LATS1: variants seen among roughly 807,000 people sequenced by gnomAD.
The protein encoded by LATS1 is large tumor suppressor kinase 1.
LATS1 carries 25 observed loss-of-function variants against 106.6 expected under a neutral mutation model. That is an observed-to-expected ratio of 0.23 (90% confidence interval 0.17 to 0.33). The LOEUF is 0.33. Ranked by LOEUF, LATS1 falls within the 10% of genes least tolerant of loss-of-function variation. The pLI is 1.00. For synonymous variants in LATS1, 465 were observed against 455.6 expected, an observed-to-expected ratio of 1.02 and a Z score of -0.26; for missense variants, 1,040 against 1,382.6, an observed-to-expected ratio of 0.75 and a Z score of 3.93.
chr6:149,696,280 T>C (rs901907958), intron 2 of LATS1, among the ~76,000 whole-genome samples: 64 of 148,282 alleles, frequency 4.3e-4, no homozygotes, highest in African/African-American at 1.5e-3. Context: ...CAGAAACAAC[T>C]CTTTTGGGCT....
rs188625862 is a variant in LATS1, at chr6:149,698,301, T to C, written c.349-3080A>G. On this transcript the variant is annotated intron_variant, in intron 2 of 7. Transcript: ENST00000543571. ...CTCTGTTGCCCAGGCTGGAGTGCAG[T>C]GGTGCAACCACAACTCATTGCGACC... Among the ~76,000 whole-genome samples the C allele has an allele frequency of 7.7e-4, 117 of 151,186 alleles. 1 individual carries two copies. The highest frequency in any genetic ancestry group is 2.7e-3 in the African/African-American group (111 of 41,190).
At chr6:149,717,232 G>A (rs1784450127) in intron 1 of LATS1, among the ~76,000 whole-genome samples, 1 of 152,178 alleles carries the variant, frequency 6.6e-6, no homozygotes, top group African/African-American at 2.4e-5. Context: ...AGTCATCTGA[G>A]GCATTCATTG....
At chr6:149,675,864 C>A (rs1781689256) in intron 7 of LATS1, 1 of 164,876 alleles carries the variant, frequency 6.1e-6, no homozygotes. Context: ...GCCTAAAGAC[C>A]TTTTTGAGAA....
rs1780891385 is a variant in LATS1 at position 149,661,681 on chromosome 6, C to T, written c.*48G>A. 1.3e-6 allele frequency: 2 copies of T among 1,485,754 alleles called. No individual in the cohort carries two copies. The highest frequency in any genetic ancestry group is 4.6e-5 in the East Asian group (2 of 43,932). 92.0% of individuals were successfully genotyped at this position (1,485,754 alleles called of 1,614,324 possible). On this transcript the variant is annotated 3_prime_UTR_variant, in exon 8 of 8. Coordinates refer to ENST00000543571, the MANE Select transcript of LATS1 (RefSeq NM_004690.4). ...ACTCTCAGAACCTCAAAACACCTCG[C>T]ATTTCAGGCCCTTTTACAAATCCTC...
intron 3 of LATS1, among the ~76,000 whole-genome samples, chr6:149,685,818 A>G (rs1292222415): frequency 6.6e-6 from 1 of 152,180 alleles, no homozygotes; most frequent in Non-Finnish European, 1.5e-5. Context: ...AAAAAAATAC[A>G]ATACCAAAAA....
chr6:149,671,115 G>C (rs534816860), intron 7 of LATS1, among the ~76,000 whole-genome samples: 26 of 130,194 alleles, frequency 2.0e-4, no homozygotes, highest in Middle Eastern at 3.8e-3. Flanking sequence ...TTGAGGTTCA[G>C]TTGTTTTTTT....
At chr6:149,703,386 C>G (rs553777183) in intron 1 of LATS1, among the ~76,000 whole-genome samples, 1 of 152,308 alleles carries the variant, frequency 6.6e-6, no homozygotes, top group East Asian at 1.9e-4. Flanking sequence ...TGGTTTGGAT[C>G]TGTGTCCCCA....
At position 149,680,259 on chromosome 6, in the gene LATS1, G is replaced by C; in HGVS notation, c.2209C>G (p.Arg737Gly). 1 of 1,613,918 alleles carries C rather than the reference G, an allele frequency of 6.2e-7. No individual in the cohort carries two copies. Among genetic ancestry groups the C allele is most frequent in the Non-Finnish European group, 8.5e-7 (1 of 1,179,990 alleles). ...TKALYATKTL[R>G]KKDVLLRNQV... ...TTTCGAAGAAGAACATCTTTCTTTC[G>C]AAGAGTTTTTGTTGCATACAAAGCC... is the stretch of plus-strand genomic sequence containing the variant. The change falls in exon 5 of 8, where the codon CGA (arginine) becomes GGA (glycine). Residue 737 changes from arginine to glycine, a missense_variant. This residue lies in a region of LATS1 where 167 missense variants were observed against 332.1 expected (regional missense o/e 0.50). Transcript: ENST00000543571.
In LATS1 at chr6:149,660,958, T is replaced by A. The variant is rs1325218359; in HGVS notation, c.*771A>T. ...AGCTTTTAGTATTGAACATTTCGAT[T>A]TATGGCAGCTTTGTTCCCTTTTAAA... On this transcript the variant is annotated 3_prime_UTR_variant, in exon 8 of 8. Coordinates refer to ENST00000543571, the MANE Select transcript of LATS1 (RefSeq NM_004690.4). The A allele has an allele frequency of 4.7e-6, 1 of 213,300 alleles. No individual in the cohort carries two copies. Among genetic ancestry groups the A allele is most frequent in the East Asian group, 7.0e-5 (1 of 14,236 alleles). The allele number at this position is 213,300 out of a possible 1,614,324, so 13.2% of individuals were successfully genotyped here.
intron 7 of LATS1, chr6:149,675,934 T>C (rs767917827): frequency 1.3e-4 from 33 of 260,564 alleles, no homozygotes; most frequent in Admixed American, 3.5e-4. Flanking sequence ...TATGGGGATA[T>C]GGCATCATGG....
At chr6:149,665,629 C>G (rs1031092294) in intron 7 of LATS1, among the ~76,000 whole-genome samples, 2 of 152,038 alleles carry the variant, frequency 1.3e-5, no homozygotes, top group Non-Finnish European at 2.9e-5. Flanking sequence ...GCTGGGCTCC[C>G]CCTCCAAACT....
rs1361997067 is a variant in LATS1 at position 149,661,710 on chromosome 6, ACATTT to A, written c.*14_*18del. ...TCAGGCCCTTTTACAAATCCTCATT[ACATTT>A]ATTTACTAGTGTGTTAAACATATAC... On this transcript the variant is annotated 3_prime_UTR_variant, in exon 8 of 8. Coordinates refer to ENST00000543571, the MANE Select transcript of LATS1 (RefSeq NM_004690.4). The A allele has an allele frequency of 3.3e-6, 5 of 1,521,320 alleles. No individual in the cohort carries two copies. In the African/African-American group the frequency reaches 4.2e-5, roughly 13 times the overall value. The allele number at this position is 1,521,320 out of a possible 1,614,324, so 94.2% of individuals were successfully genotyped here.
intron 7 of LATS1, among the ~76,000 whole-genome samples, chr6:149,674,788 C>T (rs1308886571): frequency 6.6e-6 from 1 of 151,966 alleles, no homozygotes; most frequent in Admixed American, 6.5e-5. Context: ...AATGCACCTG[C>T]GGTCCCATCT....
chr6:149,700,132 T>C (rs1449757522), intron 2 of LATS1, among the ~76,000 whole-genome samples: 2 of 152,190 alleles, frequency 1.3e-5, no homozygotes, highest in African/African-American at 2.4e-5. Context: ...GTAAAAATGA[T>C]AGAAAATAAT....
chr6:149,680,365 G>A lies in LATS1; in HGVS notation c.2103C>T (p.Asp701=). The change falls in exon 5 of 8, where the codon GAC becomes GAT. Residue 701 remains aspartate (D), a synonymous_variant. Transcript: ENST00000543571. ...TCTTTATCTTCACAAACATAGACTT[G>A]TCCATTTTAGCCCTTTTAAGACGGA... is the stretch of plus-strand genomic sequence containing the variant. ...NYIRLKRAKM[D]KSMFVKIKTL... 2 of 1,613,856 alleles carry A rather than the reference G, an allele frequency of 1.2e-6. No individual in the cohort carries two copies. The highest frequency in any genetic ancestry group is 8.5e-7 in the Non-Finnish European group (1 of 1,179,886).
At chr6:149,682,110 CAAA>C (rs371480554) in intron 4 of LATS1, among the ~76,000 whole-genome samples, 3 of 121,036 alleles carry the variant, frequency 2.5e-5, no homozygotes, top group Non-Finnish European at 1.8e-5. Flanking sequence ...GATGTCGTCT[CAAA>C]AAAAAAAAAA....
intron 3 of LATS1, among the ~76,000 whole-genome samples, chr6:149,689,242 G>A (rs1782582208): frequency 6.6e-6 from 1 of 151,996 alleles, no homozygotes; most frequent in South Asian, 2.1e-4. Context: ...AACCCAGTAC[G>A]GCTGTAGAAC....
In LATS1 at chr6:149,679,538, C is replaced by T. The variant is rs961707272; in HGVS notation, c.2593+337G>A. Among the ~76,000 whole-genome samples the T allele has an allele frequency of 3.3e-4, 45 of 136,114 alleles. 1 individual carries two copies. The allele number at this position is 136,114 out of a possible 152,430, so 89.3% of individuals were successfully genotyped here. A position where few individuals can be genotyped will look rare whatever the true frequency, so the allele number is the denominator to read the frequency against. On this transcript the variant is annotated intron_variant, in intron 5 of 7. Transcript: ENST00000543571. Reference sequence around the variant, plus strand: ...CTGCACTCCAGCCTGGGCGACAGAGCGAGACTCCATCAAAAAAAAAAAAAA... The same window carrying T: ...CTGCACTCCAGCCTGGGCGACAGAGTGAGACTCCATCAAAAAAAAAAAAAA...
At position 149,708,922 on chromosome 6, in the gene LATS1, A is replaced by G. The variant is rs189295899; in HGVS notation, c.-140-6656T>C. On this transcript the variant is annotated intron_variant, in intron 1 of 7. Transcript: ENST00000543571. ...ATTAGATCTTACTATATAGGTAGGG[A>G]GTCAGCCACTGTCAACTTGTGCTTG... Among the ~76,000 whole-genome samples the G allele has an allele frequency of 3.2e-3, 487 of 152,296 alleles. 4 individuals are homozygous for G. Among genetic ancestry groups the G allele is most frequent in the Non-Finnish European group, 3.2e-3 (218 of 68,024 alleles).
Sources: allele counts gnomAD v4.1 joint callset (sites outside exome capture counted in the v4.1 genomes callset), GRCh38; gene constraint gnomAD v4.1.1; regional missense constraint gnomAD v4.1.1; transcripts MANE v1.5; gene names NCBI Gene and HGNC (gene_info 2026-07-23, HGNC 2026-07-21).